The following CRPPA variants were observed in gnomAD, a reference collection of about 807,000 sequenced individuals.
CRPPA encodes the protein CDP-L-ribitol pyrophosphorylase A, also known as D-ribitol-5-phosphate cytidylyltransferase.
In CRPPA, 43 loss-of-function variants were observed where a neutral mutation model predicts 52.0. The observed-to-expected ratio is 0.83, with a 90% CI of 0.65 to 1.07. The LOEUF (loss-of-function observed/expected upper bound fraction) is 1.07, where lower values mean the gene tolerates loss of function less well. Ranked by LOEUF, CRPPA falls within the 50% of genes least tolerant of loss-of-function variation. CRPPA has a pLI of 0.00. For synonymous variants in CRPPA, 250 were observed against 203.5 expected (o/e 1.23, Z -1.94); for missense variants, 629 against 551.7 (o/e 1.14, Z -1.40).
intron 3 of CRPPA, among the ~76,000 whole-genome samples, chr7:16,367,768 C>T (rs1331531749): frequency 1.3e-5 from 2 of 152,082 alleles, no homozygotes; most frequent in African/African-American, 2.4e-5. Context: ...CACAGATAAG[C>T]GACGGGAATC....
intron 8 of CRPPA, among the ~76,000 whole-genome samples, chr7:16,256,534 C>G (rs781655027): frequency 6.6e-6 from 1 of 152,132 alleles, no homozygotes; most frequent in African/African-American, 2.4e-5. Context: ...CAGTGATAGA[C>G]TGGATAAAGA....
At chr7:16,115,209 G>C (rs1348133672) in intron 9 of CRPPA, among the ~76,000 whole-genome samples, 2 of 152,080 alleles carry the variant, frequency 1.3e-5, no homozygotes, top group Admixed American at 6.6e-5. Flanking sequence ...AATATTCTAA[G>C]ACAAAGAACT....
At chr7:16,279,416 G>A (rs1370156568) in intron 5 of CRPPA, among the ~76,000 whole-genome samples, 3 of 152,116 alleles carry the variant, frequency 2.0e-5, no homozygotes, top group Non-Finnish European at 2.9e-5. Context: ...GTATCATTCT[G>A]AATCTATGTA....
At chr7:16,339,763 A>G (rs1785775504) in intron 3 of CRPPA, among the ~76,000 whole-genome samples, 1 of 152,226 alleles carries the variant, frequency 6.6e-6, no homozygotes, top group Non-Finnish European at 1.5e-5. Context: ...CACAGGTGAC[A>G]TCACTGTCTA....
intron 1 of CRPPA, among the ~76,000 whole-genome samples, chr7:16,408,404 C>G (rs2128318860): frequency 6.6e-6 from 1 of 152,214 alleles, no homozygotes; most frequent in East Asian, 1.9e-4. Context: ...CAAGTAAAGG[C>G]CATGGCAAGG....
At chr7:16,378,117 A>G (rs1254124830) in intron 2 of CRPPA, among the ~76,000 whole-genome samples, 2 of 151,602 alleles carry the variant, frequency 1.3e-5, no homozygotes, top group Non-Finnish European at 2.9e-5. Flanking sequence ...TTTAAATTTT[A>G]TTATTATTAT....
intron 3 of CRPPA, among the ~76,000 whole-genome samples, chr7:16,368,712 G>C (rs1434012389): frequency 6.6e-6 from 1 of 152,036 alleles, no homozygotes; most frequent in Non-Finnish European, 1.5e-5. Flanking sequence ...ACCCTTTAAA[G>C]CTTCTATTAA....
At chr7:16,330,277 G>C (rs764060816) in intron 3 of CRPPA, among the ~76,000 whole-genome samples, 1 of 152,142 alleles carries the variant, frequency 6.6e-6, no homozygotes, top group Non-Finnish European at 1.5e-5. Flanking sequence ...GAAATGAGTG[G>C]ATTCCATTCT....
chr7:16,199,537 G>A (rs190262115), intron 9 of CRPPA, among the ~76,000 whole-genome samples: 14 of 152,170 alleles, frequency 9.2e-5, no homozygotes, highest in African/African-American at 2.9e-4. Flanking sequence ...TCTGCGGGAT[G>A]AGCCCTCCTC....
intron 6 of CRPPA, among the ~76,000 whole-genome samples, chr7:16,272,263 T>C (rs1784107730): frequency 6.6e-6 from 1 of 152,176 alleles, no homozygotes; most frequent in Admixed American, 6.5e-5. Context: ...GTTAGCTCTT[T>C]ACTTAACTTT....
intron 3 of CRPPA, among the ~76,000 whole-genome samples, chr7:16,320,359 G>T (rs1388881213): frequency 2.0e-5 from 3 of 152,082 alleles, no homozygotes; most frequent in Admixed American, 6.6e-5. Flanking sequence ...GACTCAGAGG[G>T]ACTGGAAAAC....
At chr7:16,167,405 G>C (rs1411235454) in intron 9 of CRPPA, among the ~76,000 whole-genome samples, 1 of 152,168 alleles carries the variant, frequency 6.6e-6, no homozygotes, top group Non-Finnish European at 1.5e-5. Context: ...TTTTCTGTCA[G>C]AAGGTGCCTA....
intron 2 of CRPPA, among the ~76,000 whole-genome samples, chr7:16,392,732 A>T (rs1787476908): frequency 6.6e-6 from 1 of 152,138 alleles, no homozygotes; most frequent in Non-Finnish European, 1.5e-5. Context: ...ATAGTTTCTC[A>T]ATACTATATT....
chr7:16,118,476 A>T (rs1918263), intron 9 of CRPPA, among the ~76,000 whole-genome samples: 3,347 of 152,308 alleles, frequency 0.022, 125 homozygotes, highest in African/African-American at 0.075. Flanking sequence ...GCTCTTGAAC[A>T]GTCACTTAGC....
intron 3 of CRPPA, among the ~76,000 whole-genome samples, chr7:16,337,984 A>C (rs1409943259): frequency 6.6e-6 from 1 of 152,132 alleles, no homozygotes; most frequent in Non-Finnish European, 1.5e-5. Flanking sequence ...GGATATTTTC[A>C]AACTCATTTT....
At chr7:16,317,680 C>T (rs10950606) in intron 3 of CRPPA, among the ~76,000 whole-genome samples, 16,510 of 152,136 alleles carry the variant, frequency 0.11, 1,054 homozygotes, top group Non-Finnish European at 0.15. Flanking sequence ...TTCCATATCT[C>T]GACTACTGTG....
intron 3 of CRPPA, among the ~76,000 whole-genome samples, chr7:16,342,784 T>TAG (rs1785895684): frequency 9.8e-4 from 14 of 14,304 alleles, no homozygotes; most frequent in African/African-American, 2.0e-3. Context: ...AAAAAAAAAA[T>TAG]ATATATATAT....
chr7:16,228,430 G>A (rs144294613), intron 8 of CRPPA, among the ~76,000 whole-genome samples: 547 of 151,908 alleles, frequency 3.6e-3, no homozygotes, highest in Non-Finnish European at 4.9e-3. Context: ...TTTGATGTAG[G>A]TGTATGTTGC....
At chr7:16,356,595 T>G (rs1458956875) in intron 3 of CRPPA, among the ~76,000 whole-genome samples, 1 of 152,192 alleles carries the variant, frequency 6.6e-6, no homozygotes, top group African/African-American at 2.4e-5. Flanking sequence ...CAATTCATTT[T>G]TCAACCTGCT....
Sources: allele counts gnomAD v4.1 joint callset (sites outside exome capture counted in the v4.1 genomes callset), GRCh38; gene constraint gnomAD v4.1.1; transcripts MANE v1.5; gene names NCBI Gene and HGNC (gene_info 2026-07-23, HGNC 2026-07-21).